EPHA6: variants seen among roughly 807,000 people sequenced by gnomAD.
EPHA6 encodes the protein EPH receptor A6, also known as ephrin type-A receptor 6.
In EPHA6, 50 loss-of-function variants were observed where a neutral mutation model predicts 112.0. The ratio of observed to expected loss-of-function variants is 0.45; its 90% confidence interval spans 0.36 to 0.56. The LOEUF (loss-of-function observed/expected upper bound fraction) is 0.56. Among genes scored for constraint, EPHA6 ranks in the 20% least tolerant of loss-of-function variants. The pLI, the probability that EPHA6 is intolerant of heterozygous loss-of-function variation, is 0.00. For synonymous variants in EPHA6, 529 were observed against 490.7 expected, an observed-to-expected ratio of 1.08 and a Z score of -1.03; for missense variants, 1,280 against 1,417.4, an observed-to-expected ratio of 0.90 and a Z score of 1.56.
At chr3:97,533,907 A>T (rs1472102271) in intron 11 of EPHA6, among the ~76,000 whole-genome samples, 2 of 152,142 alleles carry the variant, frequency 1.3e-5, no homozygotes, top group African/African-American at 4.8e-5. Flanking sequence ...CTGCTATTAG[A>T]TAGCTATAGC....
At chr3:96,980,453 A>C (rs937669741) in intron 2 of EPHA6, among the ~76,000 whole-genome samples, 1 of 152,166 alleles carries the variant, frequency 6.6e-6, no homozygotes, top group African/African-American at 2.4e-5. Context: ...TGGTTACTGT[A>C]GCCTTGTAGT....
At chr3:97,483,170 C>T (rs2091604691) in intron 9 of EPHA6, among the ~76,000 whole-genome samples, 2 of 152,184 alleles carry the variant, frequency 1.3e-5, no homozygotes, top group African/African-American at 4.8e-5. Context: ...TCTTCGGATA[C>T]TCACAAATGG....
intron 5 of EPHA6, among the ~76,000 whole-genome samples, chr3:97,246,374 A>G (rs1225721335): frequency 2.0e-5 from 3 of 151,936 alleles, no homozygotes; most frequent in Non-Finnish European, 4.4e-5. Flanking sequence ...AGGATTACAA[A>G]AGAGTATATT....
chr3:96,827,939 C>CTAAGAA (rs2033774363), intron 1 of EPHA6, among the ~76,000 whole-genome samples: 6 of 151,964 alleles, frequency 3.9e-5, no homozygotes, highest in Admixed American at 3.9e-4. Flanking sequence ...TCAGGGGTTG[C>CTAAGAA]TTTAGAGTGG....
chr3:97,510,863 C>T (rs1467259733), intron 10 of EPHA6, among the ~76,000 whole-genome samples: 1 of 152,226 alleles, frequency 6.6e-6, no homozygotes, highest in Non-Finnish European at 1.5e-5. Context: ...GGGACTGCTT[C>T]CTTTCTTTCA....
At chr3:97,675,414 A>G (rs2031271995) in intron 14 of EPHA6, among the ~76,000 whole-genome samples, 2 of 152,172 alleles carry the variant, frequency 1.3e-5, no homozygotes, top group African/African-American at 4.8e-5. Flanking sequence ...TGGGAGGTGG[A>G]GGTTGCAGTG....
At chr3:97,274,676 T>C (rs1443263129) in intron 5 of EPHA6, among the ~76,000 whole-genome samples, 10 of 152,250 alleles carry the variant, frequency 6.6e-5, no homozygotes. Context: ...TACTATAGCA[T>C]AGCCTGCCTT....
intron 5 of EPHA6, among the ~76,000 whole-genome samples, chr3:97,275,737 G>C (rs1239104408): frequency 1.3e-5 from 2 of 151,164 alleles, no homozygotes; most frequent in Non-Finnish European, 2.9e-5. Context: ...GGCATTGAAC[G>C]GGGTAAGGGT....
At chr3:96,993,532 C>T (rs989245738) in intron 3 of EPHA6, among the ~76,000 whole-genome samples, 1 of 151,994 alleles carries the variant, frequency 6.6e-6, no homozygotes, top group Admixed American at 6.6e-5. Flanking sequence ...TGCTCCTGGC[C>T]CCCACTATTC....
chr3:97,500,213 G>T (rs966125672), intron 10 of EPHA6, among the ~76,000 whole-genome samples: 2 of 152,090 alleles, frequency 1.3e-5, no homozygotes, highest in African/African-American at 2.4e-5. Flanking sequence ...CACACTGGAA[G>T]GTCTTTTGGG....
chr3:97,399,299 T>C (rs1269910905), intron 5 of EPHA6, among the ~76,000 whole-genome samples: 7 of 151,680 alleles, frequency 4.6e-5, no homozygotes, highest in Non-Finnish European at 1.0e-4. Flanking sequence ...AGTGGAATAG[T>C]ATTCCATTGT....
chr3:97,374,796 C>G (rs1021640912), intron 5 of EPHA6, among the ~76,000 whole-genome samples: 1 of 152,028 alleles, frequency 6.6e-6, no homozygotes, highest in Admixed American at 6.6e-5. Context: ...CAGCTGGAGG[C>G]CATTATCCTA....
chr3:97,156,367 T>C (rs1311576975), intron 3 of EPHA6, among the ~76,000 whole-genome samples: 1 of 152,092 alleles, frequency 6.6e-6, no homozygotes, highest in Non-Finnish European at 1.5e-5. Context: ...TTAACAAAAT[T>C]TCTCCAAAAA....
chr3:97,659,281 C>T (rs1019008898), intron 14 of EPHA6, among the ~76,000 whole-genome samples: 6 of 151,700 alleles, frequency 4.0e-5, no homozygotes, highest in African/African-American at 1.5e-4. Context: ...GTGTTTAGAA[C>T]AAATCAGGTA....
rs185663896 is a variant in EPHA6, at chr3:96,944,916, G to A, written c.451-42414G>A. Among the ~76,000 whole-genome samples, 247 of 152,270 alleles carry A rather than the reference G, an allele frequency of 1.6e-3. 1 individual carries two copies. Among genetic ancestry groups the A allele is most frequent in the Middle Eastern group, 3.4e-3 (1 of 294 alleles). On this transcript the variant is annotated intron_variant, in intron 2 of 17. Coordinates refer to ENST00000389672, the MANE Select transcript of EPHA6 (RefSeq NM_001080448.3). Reference sequence around the variant, plus strand: ...TATCGTGCCACTGCACTCCAGCCTAGGCGACAGAGCGAGACTCTGTCTCAA... The same window carrying A: ...TATCGTGCCACTGCACTCCAGCCTAAGCGACAGAGCGAGACTCTGTCTCAA...
chr3:96,890,653 GACTAA>G (rs1377101253), intron 2 of EPHA6, among the ~76,000 whole-genome samples: 5 of 152,144 alleles, frequency 3.3e-5, no homozygotes, highest in Non-Finnish European at 5.9e-5. Flanking sequence ...ATAAAAAAAT[GACTAA>G]ACTGAAAACA....
chr3:97,669,316 C>T (rs544391099), intron 14 of EPHA6, among the ~76,000 whole-genome samples: 3 of 151,080 alleles, frequency 2.0e-5, no homozygotes, highest in East Asian at 3.9e-4. Flanking sequence ...CTTGCATTCT[C>T]GTTTGGCTTC....
In EPHA6 at chr3:97,259,380, A is replaced by G. The variant is rs184189285; in HGVS notation, c.1606+15093A>G. Among the ~76,000 whole-genome samples, 326 of 152,178 alleles carry G rather than the reference A, an allele frequency of 2.1e-3. 2 individuals are homozygous for G. The highest frequency in any genetic ancestry group is 7.2e-3 in the African/African-American group (298 of 41,524). On this transcript the variant is annotated intron_variant, in intron 5 of 17. Transcript: ENST00000389672. ...TGTTTGTTTACCATTTGTTTTTATC[A>G]TAAATGTATTTCTCAAGGTTATGCC...
rs574325281 is a variant in EPHA6, at chr3:97,753,232, G to A, written c.*4531G>A. 3.9e-5 allele frequency among the ~76,000 whole-genome samples: 6 copies of A among 152,204 alleles called. No individual in the cohort carries two copies. The East Asian group carries it at 1.2e-3, about 29-fold the overall frequency. ...TTTTACTACAAAGATACGTTTGGCT[G>A]TGCTGTCATTGCTTTCAAGTAACTC... On this transcript the variant is annotated 3_prime_UTR_variant, in exon 18 of 18. Transcript: ENST00000389672.
Sources: gnomAD v4.1 joint callset for allele counts (sites outside exome capture counted in the v4.1 genomes callset) on GRCh38, gnomAD v4.1.1 for gene constraint, MANE v1.5 for transcripts, NCBI Gene and HGNC (gene_info 2026-07-23, HGNC 2026-07-21) for gene names.